CTNNA2: variants seen among roughly 807,000 people sequenced by gnomAD.
The protein encoded by CTNNA2 is catenin alpha-2.
CTNNA2 carries 42 observed loss-of-function variants against 101.0 expected under a neutral mutation model. The ratio of observed to expected loss-of-function variants is 0.42; its 90% CI spans 0.32 to 0.54. CTNNA2 has a LOEUF of 0.54. Among genes scored for constraint, CTNNA2 ranks in the 20% least tolerant of loss-of-function variants. The pLI, the probability that CTNNA2 is intolerant of heterozygous loss-of-function variation, is 0.14. For missense variants in CTNNA2, 871 were observed against 1,223.1 expected (o/e 0.71, Z 4.29); for synonymous variants, 450 against 456.4 (o/e 0.99, Z 0.18).
chr2:79,834,452 A>G (rs762265707), intron 3 of CTNNA2, among the ~76,000 whole-genome samples: 2 of 152,016 alleles, frequency 1.3e-5, no homozygotes, highest in East Asian at 1.9e-4. Flanking sequence ...AAAGTTCCCA[A>G]TTTTATGGGT....
chr2:80,060,327 G>A (rs1697494743), intron 7 of CTNNA2, among the ~76,000 whole-genome samples: 1 of 152,182 alleles, frequency 6.6e-6, no homozygotes. Context: ...AGCTGGAGAG[G>A]CTCCTGCAAA....
intron 7 of CTNNA2, among the ~76,000 whole-genome samples, chr2:79,958,718 T>C (rs909065321): frequency 1.4e-4 from 21 of 152,168 alleles, no homozygotes; most frequent in African/African-American, 4.8e-4. Flanking sequence ...ACTGAACTTG[T>C]GGTAATTTTT....
chr2:79,757,424 A>G (rs553275926), intron 3 of CTNNA2, among the ~76,000 whole-genome samples: 1 of 152,322 alleles, frequency 6.6e-6, no homozygotes, highest in Non-Finnish European at 1.5e-5. Flanking sequence ...AGTTTAGAAG[A>G]TTGCCAATTC....
Position 79,229,666 on chromosome 2 carries a change from C to G in CTNNA2, c.-406+31590C>G, listed in dbSNP as rs970956167. ...CTAAAATGTGGAAGCAACTTTGGAA[C>G]TGGGTAACAGGCAGAGGTTGGAACA... On this transcript the variant is annotated intron_variant, in intron 2 of 21. Coordinates refer to the CTNNA2 transcript ENST00000466387. Among the ~76,000 whole-genome samples, 6 of 152,110 alleles carry G rather than the reference C, an allele frequency of 3.9e-5. No individual in the cohort carries two copies. In the South Asian group the frequency reaches 6.2e-4, roughly 16 times the overall value.
chr2:79,188,483 CT>C (rs1246533433), intron 1 of CTNNA2, among the ~76,000 whole-genome samples: 1 of 152,174 alleles, frequency 6.6e-6, no homozygotes, highest in Non-Finnish European at 1.5e-5. Flanking sequence ...GTGACCCCAC[CT>C]ATTGCTGGAA....
intron 13 of CTNNA2, chr2:80,578,900 G>A (rs1247990905): frequency 6.6e-6 from 1 of 152,116 alleles, no homozygotes; most frequent in Non-Finnish European, 1.5e-5. Context: ...TATTGCTGTT[G>A]TTGTTATTAG....
chr2:80,119,353 T>G (rs918654811), intron 7 of CTNNA2, among the ~76,000 whole-genome samples: 1 of 152,152 alleles, frequency 6.6e-6, no homozygotes, highest in Non-Finnish European at 1.5e-5. Context: ...CAGGAAGAAA[T>G]GCAGAGGGAC....
chr2:79,822,420 A>G (rs1224819162), intron 3 of CTNNA2, among the ~76,000 whole-genome samples: 1 of 152,192 alleles, frequency 6.6e-6, no homozygotes. Context: ...AAATATGAAT[A>G]TTTATGCTTA....
chr2:79,275,771 C>T lies in CTNNA2; in HGVS notation c.-405-36938C>T, dbSNP rs117015563. ...ACTCAGCAATAATTTTATCGCATTC[C>T]TCCTATGCATTGGGCATTGTGTTAG... On this transcript the variant is annotated intron_variant, in intron 2 of 21. Coordinates refer to the CTNNA2 transcript ENST00000466387. Among the ~76,000 whole-genome samples the T allele has an allele frequency of 3.8e-4, 57 of 151,806 alleles. No homozygotes were observed. The East Asian group carries it at 0.011, about 28-fold the overall frequency.
At chr2:80,261,542 T>C (rs1672608423) in intron 7 of CTNNA2, among the ~76,000 whole-genome samples, 1 of 152,114 alleles carries the variant, frequency 6.6e-6, no homozygotes, top group African/African-American at 2.4e-5. Flanking sequence ...CTTGTTTAAA[T>C]GGCCAAAATA....
At chr2:79,951,823 A>T (rs1326889512) in intron 7 of CTNNA2, among the ~76,000 whole-genome samples, 1 of 152,116 alleles carries the variant, frequency 6.6e-6, no homozygotes, top group Non-Finnish European at 1.5e-5. Flanking sequence ...TTTCCCCAGG[A>T]ACCTCTGATG....
intron 7 of CTNNA2, among the ~76,000 whole-genome samples, chr2:80,346,941 T>C (rs1672789325): frequency 6.6e-6 from 1 of 152,200 alleles, no homozygotes; most frequent in South Asian, 2.1e-4. Context: ...TTAAGGAAAA[T>C]GGTCTCTGTG....
chr2:80,260,509 A>T (rs913132147), intron 7 of CTNNA2, among the ~76,000 whole-genome samples: 1 of 152,192 alleles, frequency 6.6e-6, no homozygotes, highest in Non-Finnish European at 1.5e-5. Context: ...TAGAGGCTAC[A>T]TCTGTTTATT....
At chr2:80,172,983 G>A (rs1705163126) in intron 7 of CTNNA2, among the ~76,000 whole-genome samples, 1 of 152,130 alleles carries the variant, frequency 6.6e-6, no homozygotes, top group Admixed American at 6.5e-5. Flanking sequence ...GAAGTCCTGG[G>A]GGGTGAGTAC....
chr2:79,555,380 A>G (rs906522571), intron 1 of CTNNA2, among the ~76,000 whole-genome samples: 3 of 152,078 alleles, frequency 2.0e-5, no homozygotes, highest in African/African-American at 2.4e-5. Flanking sequence ...AACTGGCATC[A>G]CTTTAAGGAA....
chr2:79,314,366 G>A (rs879791132), intron 3 of CTNNA2, among the ~76,000 whole-genome samples: 13 of 152,136 alleles, frequency 8.5e-5, no homozygotes, highest in Non-Finnish European at 1.5e-4. Context: ...CGTTATGTTG[G>A]GTCCAGATAT....
At chr2:79,304,562 A>G (rs1042580849) in intron 2 of CTNNA2, among the ~76,000 whole-genome samples, 1 of 152,192 alleles carries the variant, frequency 6.6e-6, no homozygotes, top group African/African-American at 2.4e-5. Context: ...CCTTGATTGC[A>G]GACTCATAAA....
At chr2:79,756,777 C>T (rs1051587141) in intron 3 of CTNNA2, among the ~76,000 whole-genome samples, 10 of 152,196 alleles carry the variant, frequency 6.6e-5, no homozygotes, top group Admixed American at 3.3e-4. Flanking sequence ...ACAGATACCT[C>T]ACCAAGGAAG....
intron 7 of CTNNA2, among the ~76,000 whole-genome samples, chr2:80,390,660 T>C (rs139941098): frequency 3.2e-4 from 49 of 152,296 alleles, no homozygotes; most frequent in African/African-American, 1.2e-3. Flanking sequence ...TTTTAAAGAA[T>C]AAATATATCC....
Sources: allele counts gnomAD v4.1 joint callset (sites outside exome capture counted in the v4.1 genomes callset), GRCh38; gene constraint gnomAD v4.1.1; transcripts MANE v1.5; gene names NCBI Gene and HGNC (gene_info 2026-07-23, HGNC 2026-07-21).